The following YIPF7 variants were observed in gnomAD, a reference collection of about 807,000 sequenced individuals.
The protein encoded by YIPF7 is protein YIPF7.
Under a neutral mutation model 27.2 loss-of-function variants are expected in YIPF7, and 35 were observed. That is an observed-to-expected ratio of 1.29 (90% CI 0.98 to 1.70). YIPF7 has a LOEUF of 1.70. Ranked by LOEUF, YIPF7 falls within the 40% of genes most tolerant of loss-of-function variation. The pLI is 0.00. For missense variants in YIPF7, 358 were observed against 303.7 expected, an observed-to-expected ratio of 1.18 and a Z score of -1.33; for synonymous variants, 137 against 110.4, an observed-to-expected ratio of 1.24 and a Z score of -1.51.
chr4:44,625,696 G>A (rs777173783), intron 4 of YIPF7, among the ~76,000 whole-genome samples: 2 of 152,158 alleles, frequency 1.3e-5, no homozygotes, highest in Non-Finnish European at 2.9e-5. Context: ...CTAGTGTTTT[G>A]TGAATACAAG....
intron 3 of YIPF7, among the ~76,000 whole-genome samples, chr4:44,633,858 G>A (rs1713009984): frequency 1.3e-5 from 2 of 152,044 alleles, no homozygotes; most frequent in South Asian, 4.1e-4. Context: ...AAAATAAAAA[G>A]TCAATACATA....
At chr4:44,622,613 T>TAA (rs1712484312) in intron 5 of YIPF7, 37 bp from the exon 6 acceptor site, 1 of 1,604,712 alleles carries the variant, frequency 6.2e-7, no homozygotes, top group Non-Finnish European at 8.5e-7. Context: ...CCTGTGCCAG[T>TAA]AGAAAAGAGA....
At chr4:44,631,522 T>C (rs1000531198) in intron 3 of YIPF7, among the ~76,000 whole-genome samples, 3 of 152,120 alleles carry the variant, frequency 2.0e-5, no homozygotes, top group African/African-American at 7.2e-5. Context: ...GAGGGTCAGC[T>C]AGACACTGGT....
chr4:44,654,202 G>GT (rs1713823072), upstream of YIPF7, among the ~76,000 whole-genome samples: 2 of 151,990 alleles, frequency 1.3e-5, no homozygotes, highest in South Asian at 2.1e-4. Context: ...ATTTAAGTGG[G>GT]TTTTTTCCAT....
intron 4 of YIPF7, among the ~76,000 whole-genome samples, chr4:44,627,244 G>T (rs1190743715): frequency 1.3e-5 from 2 of 152,048 alleles, no homozygotes; most frequent in Non-Finnish European, 2.9e-5. Flanking sequence ...AAATAATTTT[G>T]GGGAAAAGAA....
rs545155786 is a variant in YIPF7 at position 44,657,954 on chromosome 4, C to T, written c.-2+2495G>A. On this transcript the variant is annotated intron_variant, in intron 2 of 2. Transcript: ENST00000508947. Reference sequence around the variant, plus strand: ...TATGGACTGGCAGGGTGTGGTGGCTCATACCTGTAATCCTAGCACTTTGGG... The same window carrying T: ...TATGGACTGGCAGGGTGTGGTGGCTTATACCTGTAATCCTAGCACTTTGGG... Among the ~76,000 whole-genome samples the T allele has an allele frequency of 3.9e-5, 6 of 152,160 alleles. No homozygotes were observed. In the East Asian group the frequency reaches 5.8e-4, roughly 15 times the overall value.
At chr4:44,634,728 A>T (rs897488399) in intron 3 of YIPF7, among the ~76,000 whole-genome samples, 3 of 152,216 alleles carry the variant, frequency 2.0e-5, no homozygotes, top group Non-Finnish European at 4.4e-5. Flanking sequence ...ATTGTTAATG[A>T]TAGTCATGTC....
upstream of YIPF7, among the ~76,000 whole-genome samples, chr4:44,653,344 G>A (rs4632694): frequency 2.6e-5 from 4 of 152,018 alleles, no homozygotes; most frequent in Non-Finnish European, 5.9e-5. Flanking sequence ...TTCCGTATTA[G>A]TCACAAGTGG....
intron 2 of YIPF7, 73 bp downstream of exon 2, chr4:44,649,912 G>T (rs902117149): frequency 9.7e-6 from 8 of 820,544 alleles, no homozygotes; most frequent in Non-Finnish European, 1.1e-5. Flanking sequence ...ACAATATATT[G>T]AATTTTTACA....
intron 2 of YIPF7, among the ~76,000 whole-genome samples, chr4:44,660,168 T>TAG (rs1164933344): frequency 6.9e-6 from 1 of 144,516 alleles, no homozygotes; most frequent in African/African-American, 2.5e-5. Flanking sequence ...TGTCTAATAT[T>TAG]AGAGGACTAG....
chr4:44,659,930 G>A (rs982906099), intron 2 of YIPF7, among the ~76,000 whole-genome samples: 1 of 151,424 alleles, frequency 6.6e-6, no homozygotes, highest in African/African-American at 2.4e-5. Flanking sequence ...TGGCTAACAG[G>A]GTGAAACCCC....
intron 2 of YIPF7, among the ~76,000 whole-genome samples, chr4:44,639,581 T>C (rs1007065383): frequency 3.9e-5 from 6 of 152,172 alleles, no homozygotes; most frequent in East Asian, 1.9e-4. Context: ...TATATGTATG[T>C]TGAATTCATT....
intron 5 of YIPF7, 57 bp downstream of exon 5, chr4:44,624,544 G>A (rs1415872493): frequency 2.8e-6 from 4 of 1,450,692 alleles, no homozygotes; most frequent in Non-Finnish European, 3.6e-6. Flanking sequence ...TCATGGCTGT[G>A]GCAAACCTTG....
intron 2 of YIPF7, among the ~76,000 whole-genome samples, chr4:44,657,586 T>C (rs1206054605): frequency 6.6e-6 from 1 of 152,062 alleles, no homozygotes; most frequent in East Asian, 1.9e-4. Flanking sequence ...AGAGCCTGGG[T>C]AAAATTTCTG....
rs1326034202 is a variant in YIPF7 at position 44,651,556 on chromosome 4, C to T, written c.-4G>A. The T allele has an allele frequency of 6.4e-7, 1 of 1,574,254 alleles. No homozygotes were observed. The highest frequency in any genetic ancestry group is 1.8e-5 in the Admixed American group (1 of 54,530). ...TTTTAGAAGGATCAGACACATACCT[C>T]TGTTTATTTTTTATAGAAAGATCCT... On this transcript the variant is annotated splice_region_variant and 5_prime_UTR_variant, in exon 1 of 6. Transcript: ENST00000415895.
In YIPF7 at chr4:44,624,689, C is replaced by T. The variant is rs1323762362; in HGVS notation, c.520G>A (p.Val174Met). ...ALLNLMSSSG[V>M]SYGCVASVLG... ...ACGCTGGCCACACAGCCGTACGACA[C>T]CCCTGAAGAGCTCATCAGGTTCAGC... Residue 174 changes from valine to methionine, a missense_variant, in exon 5 of 6, where the codon GTG becomes ATG. Physicochemically the swap from Val to Met is conservative, Grantham distance 21. Coordinates refer to ENST00000415895, the MANE Select transcript of YIPF7 (RefSeq NM_182592.3). The T allele has an allele frequency of 1.2e-6, 2 of 1,609,728 alleles. No homozygotes were observed. Among genetic ancestry groups the T allele is most frequent in the Non-Finnish European group, 1.7e-6 (2 of 1,178,124 alleles).
chr4:44,641,929 C>A (rs968871794), intron 2 of YIPF7, among the ~76,000 whole-genome samples: 1 of 152,044 alleles, frequency 6.6e-6, no homozygotes, highest in Non-Finnish European at 1.5e-5. Flanking sequence ...CTGGTAGAAA[C>A]AAATTAGCAA....
At chr4:44,650,502 C>CGT (rs1294205195) in intron 1 of YIPF7, among the ~76,000 whole-genome samples, 9 of 77,266 alleles carry the variant, frequency 1.2e-4, no homozygotes, top group South Asian at 5.1e-4. Context: ...CATGCGCGCG[C>CGT]GCGCGCACAC....
intron 2 of YIPF7, among the ~76,000 whole-genome samples, chr4:44,643,857 C>T (rs148922723): frequency 1.6e-3 from 236 of 152,244 alleles, no homozygotes; most frequent in African/African-American, 5.3e-3. Context: ...GAAGCTCCAC[C>T]TAGATTCCAG....
Sources: gnomAD v4.1 joint callset for allele counts (sites outside exome capture counted in the v4.1 genomes callset) on GRCh38, gnomAD v4.1.1 for gene constraint, MANE v1.5 for transcripts, NCBI Gene and HGNC (gene_info 2026-07-23, HGNC 2026-07-21) for gene names.